TNFSF4: variants seen among roughly 807,000 people sequenced by gnomAD.
TNFSF4 encodes tumor necrosis factor ligand superfamily member 4.
Under a neutral mutation model 7.3 loss-of-function variants are expected in TNFSF4, and 4 were observed. The ratio of observed to expected loss-of-function variants is 0.55; its 90% CI spans 0.27 to 1.25. The LOEUF is 1.25. TNFSF4 is among the 50% of genes most tolerant of loss of function. The pLI, the probability that TNFSF4 is intolerant of heterozygous loss-of-function variation, is 0.12. For synonymous variants in TNFSF4, 76 were observed against 83.7 expected, an observed-to-expected ratio of 0.91 and a Z score of 0.50; for missense variants, 181 against 208.8, an observed-to-expected ratio of 0.87 and a Z score of 0.82.
chr1:173,415,857 T>C, the TNFSF4 span, among the ~76,000 whole-genome samples: 2 of 152,244 alleles, frequency 1.3e-5, no homozygotes, highest in Non-Finnish European at 2.9e-5. Flanking sequence ...TTGTCTGTTT[T>C]GTTCATAGTA....
At chr1:173,228,276 T>G in the TNFSF4 span, among the ~76,000 whole-genome samples, 1 of 152,206 alleles carries the variant, frequency 6.6e-6, no homozygotes, top group Non-Finnish European at 1.5e-5. Flanking sequence ...TCAGCAATAT[T>G]CGCTGTTCTG....
At chr1:173,232,441 C>T in the TNFSF4 span, among the ~76,000 whole-genome samples, 1 of 149,766 alleles carries the variant, frequency 6.7e-6, no homozygotes, top group Non-Finnish European at 1.5e-5. Context: ...TCCTCTTTTC[C>T]TAATTGAATA....
chr1:173,261,427 G>T, the TNFSF4 span, among the ~76,000 whole-genome samples: 1 of 151,776 alleles, frequency 6.6e-6, no homozygotes, highest in Admixed American at 6.6e-5. Flanking sequence ...ATGAAAGAAC[G>T]AAGAGCAAAC....
At position 173,185,882 on chromosome 1, in the gene TNFSF4, A is replaced by AG. The variant is rs1240835076; in HGVS notation, c.*633dup. ...GGAGGCTGGGAAAGCAAAATGGTAA[A>AG]GAAAAAAAGCACGTGGTATTTCTTA... On this transcript the variant is annotated 3_prime_UTR_variant, in exon 3 of 3. Coordinates refer to ENST00000281834, the MANE Select transcript of TNFSF4 (RefSeq NM_003326.5). The AG allele has an allele frequency of 2.7e-5, 4 of 147,212 alleles. No individual in the cohort carries two copies. The South Asian group carries it at 6.5e-4, about 24-fold the overall frequency. 9.1% of individuals were successfully genotyped at this position (147,212 alleles called of 1,614,324 possible).
At chr1:173,344,263 G>C in the TNFSF4 span, among the ~76,000 whole-genome samples, 1 of 152,178 alleles carries the variant, frequency 6.6e-6, no homozygotes, top group Non-Finnish European at 1.5e-5. Flanking sequence ...GCAGTAAATA[G>C]CACCTGCAGA....
the TNFSF4 span, among the ~76,000 whole-genome samples, chr1:173,233,822 T>G: frequency 6.6e-6 from 1 of 152,172 alleles, no homozygotes; most frequent in Non-Finnish European, 1.5e-5. Context: ...ACTTACATGT[T>G]AGACCTAAAA....
At chr1:173,395,212 C>T in the TNFSF4 span, among the ~76,000 whole-genome samples, 1 of 150,776 alleles carries the variant, frequency 6.6e-6, no homozygotes, top group Admixed American at 6.6e-5. Context: ...GGAATTGGCT[C>T]CCTAATTTGA....
At chr1:173,308,424 T>A in the TNFSF4 span, among the ~76,000 whole-genome samples, 1 of 151,772 alleles carries the variant, frequency 6.6e-6, no homozygotes, top group Non-Finnish European at 1.5e-5. Context: ...CACATGTAGA[T>A]CTATAATCTA....
At chr1:173,406,787 T>G in the TNFSF4 span, among the ~76,000 whole-genome samples, 1 of 152,116 alleles carries the variant, frequency 6.6e-6, no homozygotes, top group Non-Finnish European at 1.5e-5. Flanking sequence ...CAAATGTTAC[T>G]CAAAGGAGCT....
At chr1:173,371,397 G>A in the TNFSF4 span, among the ~76,000 whole-genome samples, 1 of 152,134 alleles carries the variant, frequency 6.6e-6, no homozygotes, top group African/African-American at 2.4e-5. Flanking sequence ...TGAGGAAAAA[G>A]TTACCCATTT....
chr1:173,424,067 C>T, the TNFSF4 span, among the ~76,000 whole-genome samples: 2 of 152,210 alleles, frequency 1.3e-5, no homozygotes, highest in Admixed American at 1.3e-4. Context: ...CTCCCTCAAG[C>T]TCTTTTGTAA....
At chr1:173,200,746 C>T (rs991810795) in intron 1 of TNFSF4, among the ~76,000 whole-genome samples, 1 of 152,202 alleles carries the variant, frequency 6.6e-6, no homozygotes, top group African/African-American at 2.4e-5. Context: ...GGGAGCCCAG[C>T]CCTGAGGCTA....
the TNFSF4 span, among the ~76,000 whole-genome samples, chr1:173,376,919 G>C: frequency 1.3e-5 from 2 of 152,090 alleles, no homozygotes; most frequent in African/African-American, 2.4e-5. Flanking sequence ...AACCCAGAGG[G>C]AGGAACAAAC....
the TNFSF4 span, among the ~76,000 whole-genome samples, chr1:173,306,446 G>T: frequency 6.6e-6 from 1 of 151,918 alleles, no homozygotes; most frequent in African/African-American, 2.4e-5. Flanking sequence ...AGATGGGTGG[G>T]AAGAGGCATG....
chr1:173,410,638 G>C, the TNFSF4 span, among the ~76,000 whole-genome samples: 35 of 152,332 alleles, frequency 2.3e-4, no homozygotes, highest in African/African-American at 8.2e-4. Context: ...TACCTTAATA[G>C]TTGTGAGCAT....
the TNFSF4 span, among the ~76,000 whole-genome samples, chr1:173,343,967 C>T: frequency 6.6e-6 from 1 of 152,148 alleles, no homozygotes; most frequent in Non-Finnish European, 1.5e-5. Context: ...TATCTGGCAA[C>T]TTTATGAATA....
At chr1:173,198,251 C>T (rs1344938123) in intron 1 of TNFSF4, among the ~76,000 whole-genome samples, 1 of 152,188 alleles carries the variant, frequency 6.6e-6, no homozygotes, top group Non-Finnish European at 1.5e-5. Context: ...ATGTTCTTTC[C>T]CTTCCTCAGC....
At chr1:173,340,558 C>A in the TNFSF4 span, among the ~76,000 whole-genome samples, 3 of 152,076 alleles carry the variant, frequency 2.0e-5, no homozygotes, top group Non-Finnish European at 4.4e-5. Context: ...TATCCCCAAC[C>A]AGTTCCCCAG....
the TNFSF4 span, among the ~76,000 whole-genome samples, chr1:173,445,010 G>C: frequency 6.6e-6 from 1 of 152,168 alleles, no homozygotes; most frequent in African/African-American, 2.4e-5. Context: ...TCTTTAAAGG[G>C]ATAGTCATGG....
Sources: gnomAD v4.1 joint callset for allele counts (sites outside exome capture counted in the v4.1 genomes callset) on GRCh38, gnomAD v4.1.1 for gene constraint, MANE v1.5 for transcripts, NCBI Gene and HGNC (gene_info 2026-07-23, HGNC 2026-07-21) for gene names.